The following RNGTT variants were observed in gnomAD, a reference collection of about 807,000 sequenced individuals.
RNGTT encodes the protein RNA guanylyltransferase and 5'-phosphatase.
In RNGTT, 33 loss-of-function variants were observed where a neutral mutation model predicts 79.3. That is an observed-to-expected ratio of 0.42 (90% confidence interval 0.32 to 0.56). The LOEUF is 0.56. Among genes scored for constraint, RNGTT ranks in the 20% least tolerant of loss-of-function variants. The pLI is 0.17. For synonymous variants in RNGTT, 222 were observed against 235.9 expected (o/e 0.94, Z 0.54); for missense variants, 497 against 739.1 (o/e 0.67, Z 3.80).
intron 11 of RNGTT, among the ~76,000 whole-genome samples, chr6:88,815,464 C>T (rs1780285166): frequency 6.6e-6 from 1 of 152,132 alleles, no homozygotes. Context: ...CAGTGGGGAC[C>T]TCAGTATCTA....
chr6:88,644,488 C>A (rs1371655198), intron 14 of RNGTT, among the ~76,000 whole-genome samples: 1 of 151,826 alleles, frequency 6.6e-6, no homozygotes, highest in Non-Finnish European at 1.5e-5. Context: ...GGGAATCCTC[C>A]CTAACTCATT....
At chr6:88,765,083 T>G (rs953752187) in intron 13 of RNGTT, among the ~76,000 whole-genome samples, 5 of 150,540 alleles carry the variant, frequency 3.3e-5, no homozygotes, top group African/African-American at 1.2e-4. Context: ...TCAAAGCTAC[T>G]AGGGAGGCTG....
Position 88,844,487 on chromosome 6 carries a change from C to T in RNGTT, c.1139G>A (p.Arg380His). The change falls in exon 11 of 16, where the codon CGT (arginine) becomes CAT (histidine). Residue 380 changes from arginine to histidine, a missense_variant. Coordinates refer to ENST00000369485, the MANE Select transcript of RNGTT (RefSeq NM_003800.5). ...QPVGDCDFNVRLQCIEREIIS... is the reference protein window; with the variant it reads ...QPVGDCDFNVHLQCIEREIIS... The stretch of plus-strand genomic sequence containing the variant: ...AATTTCTCGTTCTATACACTGCAGA[C>T]GAACATTAAAATCACAATCTCCAAC... 1.9e-6 allele frequency: 3 copies of T among 1,611,196 alleles called. No homozygotes were observed. Among genetic ancestry groups the T allele is most frequent in the Non-Finnish European group, 2.5e-6 (3 of 1,179,180 alleles).
chr6:88,696,341 GATTT>G (rs1181996624), intron 13 of RNGTT, among the ~76,000 whole-genome samples: 1 of 152,088 alleles, frequency 6.6e-6, no homozygotes, highest in Non-Finnish European at 1.5e-5. Flanking sequence ...ATGGATAGTT[GATTT>G]ATTATTTGAA....
At chr6:88,821,730 T>C (rs929332115) in intron 11 of RNGTT, among the ~76,000 whole-genome samples, 7 of 151,882 alleles carry the variant, frequency 4.6e-5, no homozygotes, top group African/African-American at 1.7e-4. Flanking sequence ...AAATGAGTAA[T>C]AAATGTTTAT....
At chr6:88,667,837 G>C (rs1457590886) in intron 14 of RNGTT, among the ~76,000 whole-genome samples, 1 of 152,178 alleles carries the variant, frequency 6.6e-6, no homozygotes, top group African/African-American at 2.4e-5. Context: ...CTTAGGGAAA[G>C]TGTGTCAAGA....
rs1163722466 is a variant in RNGTT, at chr6:88,844,530, A to T, written c.1105-9T>A. ...TCTCCAACGGGCTGTGACTGAATTA[A>T]ATAAAGAATTAGTTAAATTTCAACA... On this transcript the variant is annotated splice_polypyrimidine_tract_variant and intron_variant, in intron 10 of 15. Coordinates refer to ENST00000369485, the MANE Select transcript of RNGTT (RefSeq NM_003800.5). The T allele has an allele frequency of 6.3e-7, 1 of 1,592,756 alleles. No homozygotes were observed. Among genetic ancestry groups the T allele is most frequent in the Non-Finnish European group, 8.5e-7 (1 of 1,173,316 alleles).
chr6:88,949,160 A>AAAAAAAAAAAAAAAAAG (rs1785149983), intron 1 of RNGTT, among the ~76,000 whole-genome samples: 2 of 35,072 alleles, frequency 5.7e-5, no homozygotes, highest in East Asian at 1.6e-3. Context: ...AAATAAAATG[A>AAAAAAAAAAAAAAAAAG]AAAAAAAAAA....
intron 13 of RNGTT, among the ~76,000 whole-genome samples, chr6:88,700,392 T>C (rs1002916763): frequency 6.6e-6 from 1 of 152,188 alleles, no homozygotes; most frequent in Non-Finnish European, 1.5e-5. Context: ...TCTAGACATA[T>C]ATTCTCAGTT....
At chr6:88,699,931 T>C (rs904362330) in intron 13 of RNGTT, among the ~76,000 whole-genome samples, 13 of 151,694 alleles carry the variant, frequency 8.6e-5, no homozygotes, top group African/African-American at 3.2e-4. Context: ...GAATGAGGAG[T>C]TACTGTTTAA....
At chr6:88,801,200 TA>T (rs1779770820) in intron 12 of RNGTT, among the ~76,000 whole-genome samples, 1 of 152,178 alleles carries the variant, frequency 6.6e-6, no homozygotes, top group Non-Finnish European at 1.5e-5. Context: ...GATTAATACA[TA>T]AAAGTATACC....
Position 88,904,954 on chromosome 6 carries a change from T to C in RNGTT, c.445A>G (p.Ile149Val). Residue 149 changes from isoleucine (I) to valine (V), a missense_variant and splice_region_variant, in exon 6 of 16, where the codon ATC becomes GTC. By Grantham distance (29) the Ile-to-Val change is conservative. Coordinates refer to ENST00000369485, the MANE Select transcript of RNGTT (RefSeq NM_003800.5). Reference sequence around the variant, plus strand: ...GCAAAAGTAGCAACTGCTGCTTCGATACTATAGGAAACAAACACCATGCAA... The same window carrying C: ...GCAAAAGTAGCAACTGCTGCTTCGACACTATAGGAAACAAACACCATGCAA... ...AFLVEKMDWS[I>V]EAAVATFAQA... The C allele has an allele frequency of 6.2e-7, 1 of 1,613,776 alleles. No individual in the cohort carries two copies. The highest frequency in any genetic ancestry group is 1.7e-4 in the Middle Eastern group (1 of 6,056).
At position 88,801,630 on chromosome 6, in the gene RNGTT, T is replaced by C; in HGVS notation, c.1272A>G (p.Leu424=). The C allele has an allele frequency of 6.2e-7, 1 of 1,601,592 alleles. No homozygotes were observed. Among genetic ancestry groups the C allele is most frequent in the Non-Finnish European group, 8.6e-7 (1 of 1,169,310 alleles). Reference sequence around the variant, plus strand: ...CTTCTTTGGCAAAATTTCCTTCAAGTAGCTATAAAATAAATACACATGTAT... The same window carrying C: ...CTTCTTTGGCAAAATTTCCTTCAAGCAGCTATAAAATAAATACACATGTAT... ...PFFDICTSRK[L]LEGNFAKEVS... is the part of the protein sequence containing the mutation. Residue 424 remains leucine, a splice_region_variant and synonymous_variant, in exon 12 of 16, where the codon CTA becomes CTG. Transcript: ENST00000369485.
intron 14 of RNGTT, among the ~76,000 whole-genome samples, chr6:88,625,576 C>A (rs1222057655): frequency 6.6e-6 from 1 of 151,740 alleles, no homozygotes; most frequent in East Asian, 1.9e-4. Flanking sequence ...GTGGGGAAAG[C>A]AATTTATTAC....
intron 13 of RNGTT, among the ~76,000 whole-genome samples, chr6:88,682,847 AT>A (rs1471900509): frequency 6.6e-6 from 1 of 152,168 alleles, no homozygotes; most frequent in Non-Finnish European, 1.5e-5. Flanking sequence ...AACCAGAAAA[AT>A]CTCCATGTCT....
intron 11 of RNGTT, among the ~76,000 whole-genome samples, chr6:88,822,995 T>A (rs191413749): frequency 6.6e-6 from 1 of 152,068 alleles, no homozygotes; most frequent in African/African-American, 2.4e-5. Flanking sequence ...GAATAAAACA[T>A]AGGAGAACAT....
At chr6:88,820,439 AAAGT>A (rs1274167729) in intron 11 of RNGTT, among the ~76,000 whole-genome samples, 8 of 125,528 alleles carry the variant, frequency 6.4e-5, no homozygotes, top group African/African-American at 2.1e-4. Context: ...TCTAGCTAAT[AAAGT>A]AAGACAAGTA....
At chr6:88,945,611 G>T (rs117623770) in intron 1 of RNGTT, among the ~76,000 whole-genome samples, 2 of 152,136 alleles carry the variant, frequency 1.3e-5, no homozygotes, top group East Asian at 3.9e-4. Context: ...TCTCTCTACG[G>T]TCTCTGCCTG....
intron 14 of RNGTT, among the ~76,000 whole-genome samples, chr6:88,665,748 T>G (rs1774378899): frequency 6.6e-6 from 1 of 152,166 alleles, no homozygotes; most frequent in African/African-American, 2.4e-5. Flanking sequence ...AGGCACTGGC[T>G]CGAGACCTCC....
Sources: allele counts gnomAD v4.1 joint callset (sites outside exome capture counted in the v4.1 genomes callset), GRCh38; gene constraint gnomAD v4.1.1; transcripts MANE v1.5; gene names NCBI Gene and HGNC (gene_info 2026-07-23, HGNC 2026-07-21).